Variants in GALNTL6 observed in about 807,000 individuals in gnomAD.
GALNTL6 encodes polypeptide N-acetylgalactosaminyltransferase-like 6.
Under a neutral mutation model 73.7 loss-of-function variants are expected in GALNTL6, and 46 were observed. The ratio of observed to expected loss-of-function variants is 0.62; its 90% CI spans 0.49 to 0.80. GALNTL6 has a LOEUF of 0.80. Among genes scored for constraint, GALNTL6 ranks in the 30% least tolerant of loss-of-function variants. The pLI is 0.00. For missense variants in GALNTL6, 604 were observed against 755.0 expected, an observed-to-expected ratio of 0.80 and a Z score of 2.34; for synonymous variants, 259 against 263.7, an observed-to-expected ratio of 0.98 and a Z score of 0.17.
chr4:173,035,178 C>T (rs968243146), intron 12 of GALNTL6, among the ~76,000 whole-genome samples: 17 of 129,860 alleles, frequency 1.3e-4, no homozygotes, highest in African/African-American at 4.6e-4. Flanking sequence ...ATGTGCCATG[C>T]TCTTTTTTTT....
At chr4:172,562,520 C>T (rs1304617995) in intron 5 of GALNTL6, among the ~76,000 whole-genome samples, 1 of 152,170 alleles carries the variant, frequency 6.6e-6, no homozygotes, top group Non-Finnish European at 1.5e-5. Flanking sequence ...ATGGATTGTT[C>T]AATGCAGAGA....
chr4:172,814,287 A>C (rs974456394), intron 7 of GALNTL6, among the ~76,000 whole-genome samples: 7 of 152,196 alleles, frequency 4.6e-5, no homozygotes, highest in African/African-American at 1.7e-4. Flanking sequence ...ATTTAAGTAC[A>C]TCCTGTACAG....
chr4:172,893,348 G>T (rs542790982), intron 8 of GALNTL6, among the ~76,000 whole-genome samples: 16 of 151,994 alleles, frequency 1.1e-4, no homozygotes, highest in East Asian at 3.9e-4. Flanking sequence ...AGAGTGGCGG[G>T]GGGGGGGTCT....
intron 2 of GALNTL6, among the ~76,000 whole-genome samples, chr4:171,903,093 T>G (rs1387551281): frequency 1.3e-5 from 2 of 152,120 alleles, no homozygotes; most frequent in East Asian, 3.9e-4. Flanking sequence ...CTTAAGAACT[T>G]AAAGAGATTG....
chr4:172,626,259 A>T (rs1426973266), intron 5 of GALNTL6, among the ~76,000 whole-genome samples: 2 of 152,128 alleles, frequency 1.3e-5, no homozygotes, highest in East Asian at 3.9e-4. Context: ...TCCCAGCAAC[A>T]TATATTGAAT....
intron 2 of GALNTL6, among the ~76,000 whole-genome samples, chr4:172,213,225 T>C (rs926594221): frequency 6.6e-5 from 10 of 152,222 alleles, no homozygotes; most frequent in Non-Finnish European, 1.5e-4. Flanking sequence ...TTTGTGGGGA[T>C]TGTAAATAAA....
intron 5 of GALNTL6, among the ~76,000 whole-genome samples, chr4:172,501,346 T>A (rs1016619238): frequency 6.6e-6 from 1 of 152,166 alleles, no homozygotes; most frequent in African/African-American, 2.4e-5. Flanking sequence ...TAATCAAAAA[T>A]TTCAAACATA....
At chr4:172,568,413 C>T (rs997564507) in intron 5 of GALNTL6, among the ~76,000 whole-genome samples, 2 of 152,086 alleles carry the variant, frequency 1.3e-5, no homozygotes, top group African/African-American at 4.8e-5. Context: ...AGTCAGTGAA[C>T]GAAGCCATTA....
At chr4:172,239,863 A>G (rs1414158750) in intron 3 of GALNTL6, among the ~76,000 whole-genome samples, 5 of 152,164 alleles carry the variant, frequency 3.3e-5, no homozygotes, top group Non-Finnish European at 7.3e-5. Context: ...TCAAGTGTTG[A>G]GTTCAGAATG....
At chr4:172,301,838 C>T (rs1739939615) in intron 3 of GALNTL6, among the ~76,000 whole-genome samples, 1 of 152,166 alleles carries the variant, frequency 6.6e-6, no homozygotes, top group Admixed American at 6.5e-5. Flanking sequence ...AGGAGGCAGT[C>T]TGTCCGTTCT....
chr4:171,969,371 C>T (rs1739492545), intron 2 of GALNTL6, among the ~76,000 whole-genome samples: 1 of 152,162 alleles, frequency 6.6e-6, no homozygotes, highest in African/African-American at 2.4e-5. Context: ...TTTGATTCCA[C>T]AAGGCCTGAG....
chr4:171,818,643 A>G (rs1269189676), intron 2 of GALNTL6, among the ~76,000 whole-genome samples: 3 of 151,094 alleles, frequency 2.0e-5, no homozygotes, highest in African/African-American at 7.3e-5. Context: ...ATTTATTTGA[A>G]TTTCAGAATT....
intron 2 of GALNTL6, among the ~76,000 whole-genome samples, chr4:171,841,107 G>A (rs1019618006): frequency 2.6e-5 from 4 of 152,090 alleles, no homozygotes; most frequent in Non-Finnish European, 4.4e-5. Flanking sequence ...TGCTGGATCT[G>A]GATCTTTGAA....
chr4:172,774,405 C>T (rs1295650739), intron 5 of GALNTL6, among the ~76,000 whole-genome samples: 2 of 152,076 alleles, frequency 1.3e-5, no homozygotes, highest in East Asian at 1.9e-4. Flanking sequence ...ATGAGCTGTC[C>T]TTTCTGAAAA....
At chr4:172,919,755 A>C (rs944019459) in intron 8 of GALNTL6, among the ~76,000 whole-genome samples, 1 of 152,232 alleles carries the variant, frequency 6.6e-6, no homozygotes, top group African/African-American at 2.4e-5. Flanking sequence ...TCTAAGCTGC[A>C]GAATAATGAA....
At chr4:172,567,007 T>A (rs1358325528) in intron 5 of GALNTL6, among the ~76,000 whole-genome samples, 1 of 151,850 alleles carries the variant, frequency 6.6e-6, no homozygotes, top group African/African-American at 2.4e-5. Context: ...GCACAACTTT[T>A]GACACTGTGA....
chr4:171,900,441 G>A (rs1737052417), intron 2 of GALNTL6, among the ~76,000 whole-genome samples: 1 of 151,656 alleles, frequency 6.6e-6, no homozygotes, highest in Admixed American at 6.6e-5. Context: ...CCAAGTAGCT[G>A]GGACTACAGG....
At chr4:172,088,014 T>C (rs113526527) in intron 2 of GALNTL6, among the ~76,000 whole-genome samples, 101 of 152,314 alleles carry the variant, frequency 6.6e-4, no homozygotes, top group African/African-American at 2.4e-3. Flanking sequence ...TTATTAAGAC[T>C]ATATGAATAA....
At chr4:172,108,481 C>T (rs1579146903) in intron 2 of GALNTL6, among the ~76,000 whole-genome samples, 1 of 152,118 alleles carries the variant, frequency 6.6e-6, no homozygotes, top group South Asian at 2.1e-4. Context: ...GTCAGGAAGT[C>T]AAAATTCCTT....
Sources: allele counts gnomAD v4.1 joint callset (sites outside exome capture counted in the v4.1 genomes callset), GRCh38; gene constraint gnomAD v4.1.1; transcripts MANE v1.5; gene names NCBI Gene and HGNC (gene_info 2026-07-23, HGNC 2026-07-21).